Variants in PTGDS observed in about 807,000 individuals in gnomAD.
PTGDS encodes prostaglandin D2 synthase.
Under a neutral mutation model 28.4 loss-of-function variants are expected in PTGDS, and 21 were observed. That is an observed-to-expected ratio of 0.74 (90% confidence interval 0.52 to 1.07). The LOEUF (loss-of-function observed/expected upper bound fraction) is 1.07, where lower values mean the gene tolerates loss of function less well. PTGDS is among the 50% of genes least tolerant of loss of function. The probability of loss-of-function intolerance (pLI) is 0.00; values close to 1 mark genes in which losing one functional copy is unlikely to be tolerated. For synonymous variants in PTGDS, 102 were observed against 106.0 expected (o/e 0.96, Z 0.23); for missense variants, 243 against 247.7 (o/e 0.98, Z 0.13).
intron 3 of PTGDS, 150 bp downstream of exon 3, chr9:136,979,449 T>C (rs1221910483): frequency 6.5e-7 from 1 of 1,547,282 alleles, no homozygotes; most frequent in Non-Finnish European, 8.7e-7. Flanking sequence ...GGCCTGGGCG[T>C]GACTACCCAT....
intron 1 of PTGDS, chr9:136,978,786 G>A: frequency 1.6e-6 from 1 of 638,400 alleles, no homozygotes; most frequent in Non-Finnish European, 2.7e-6. Flanking sequence ...GAGATGTGAG[G>A]GGCGGGGTCA....
At chr9:136,980,753 C>T (rs200775717) in intron 5 of PTGDS, 80 bp from the exon 6 acceptor site, 126 of 1,613,484 alleles carry the variant, frequency 7.8e-5, no homozygotes, top group Non-Finnish European at 9.2e-5. Flanking sequence ...CTCTGCGTTA[C>T]GGGAGGAACA....
chr9:136,979,919 C>A (rs773725798), intron 3 of PTGDS, 27 bp from the exon 4 acceptor site: 1 of 1,604,356 alleles, frequency 6.2e-7, no homozygotes, highest in East Asian at 2.2e-5. Flanking sequence ...GCTGAGTCCC[C>A]GACAGGGTTG....
Sources: allele counts gnomAD v4.1 joint callset, GRCh38; gene constraint gnomAD v4.1.1; transcripts MANE v1.5; gene names NCBI Gene and HGNC (gene_info 2026-07-23, HGNC 2026-07-21).